The following PIK3C2G variants were observed in gnomAD, a reference collection of about 807,000 sequenced individuals.
PIK3C2G encodes the protein phosphatidylinositol-4-phosphate 3-kinase catalytic subunit type 2 gamma.
In PIK3C2G, 168 loss-of-function variants were observed where a neutral mutation model predicts 181.1. The observed-to-expected ratio is 0.93, with a 90% CI of 0.82 to 1.05. The LOEUF (loss-of-function observed/expected upper bound fraction) is 1.05, where lower values mean the gene tolerates loss of function less well. Among genes scored for constraint, PIK3C2G ranks in the 50% least tolerant of loss-of-function variants. The pLI is 0.00. For missense variants in PIK3C2G, 1,869 were observed against 1,732.8 expected (o/e 1.08, Z -1.40); for synonymous variants, 573 against 592.2 (o/e 0.97, Z 0.47).
chr12:18,558,107 C>T (rs1257955080), intron 26 of PIK3C2G, among the ~76,000 whole-genome samples: 2 of 152,014 alleles, frequency 1.3e-5, no homozygotes, highest in African/African-American at 2.4e-5. Context: ...TCAAGATGTA[C>T]TATAAAGTTC....
At chr12:18,531,097 T>C (rs1425707207) in intron 24 of PIK3C2G, among the ~76,000 whole-genome samples, 1 of 152,104 alleles carries the variant, frequency 6.6e-6, no homozygotes, top group Non-Finnish European at 1.5e-5. Flanking sequence ...CACCCTCTAG[T>C]TTTTCTCCCT....
the PIK3C2G span, among the ~76,000 whole-genome samples, chr12:18,665,892 G>T: frequency 6.7e-6 from 1 of 148,618 alleles, no homozygotes; most frequent in African/African-American, 2.5e-5. Flanking sequence ...CCAAGATCGC[G>T]CCATTGTACT....
chr12:18,438,486 C>T (rs540995753), intron 18 of PIK3C2G, among the ~76,000 whole-genome samples: 5 of 151,958 alleles, frequency 3.3e-5, no homozygotes, highest in African/African-American at 7.2e-5. Context: ...TTATGGTACA[C>T]GTAGTATAGT....
chr12:18,252,633 T>C (rs1948106100), intron 1 of PIK3C2G, among the ~76,000 whole-genome samples: 1 of 152,148 alleles, frequency 6.6e-6, no homozygotes, highest in African/African-American at 2.4e-5. Context: ...ATGTATAATC[T>C]AATGGTAATA....
At chr12:18,477,452 C>T (rs369105003) in intron 18 of PIK3C2G, among the ~76,000 whole-genome samples, 12 of 152,146 alleles carry the variant, frequency 7.9e-5, no homozygotes, top group African/African-American at 2.9e-4. Flanking sequence ...ACAACAATAG[C>T]AACAACAGCA....
chr12:18,720,626 T>C, the PIK3C2G span, among the ~76,000 whole-genome samples: 1 of 152,000 alleles, frequency 6.6e-6, no homozygotes, highest in East Asian at 1.9e-4. Context: ...TTTTAGTTGC[T>C]ATTATTACTG....
chr12:18,693,669 A>C, the PIK3C2G span: 2 of 1,566,876 alleles, frequency 1.3e-6, no homozygotes, highest in Non-Finnish European at 8.8e-7. Context: ...TATGACTCCA[A>C]TTCTGGTGGT....
intron 18 of PIK3C2G, among the ~76,000 whole-genome samples, chr12:18,433,188 AT>A (rs1305067661): frequency 2.0e-5 from 3 of 152,142 alleles, no homozygotes; most frequent in Admixed American, 6.6e-5. Context: ...TGTTTCCAGA[AT>A]CTTTCTTTTA....
At chr12:18,470,514 G>C (rs73068573) in intron 18 of PIK3C2G, among the ~76,000 whole-genome samples, 1 of 152,044 alleles carries the variant, frequency 6.6e-6, no homozygotes, top group Non-Finnish European at 1.5e-5. Flanking sequence ...ACCATAGAAA[G>C]TTGTGCACTT....
chr12:18,387,035 C>T (rs1485708820), intron 14 of PIK3C2G, among the ~76,000 whole-genome samples: 1 of 152,130 alleles, frequency 6.6e-6, no homozygotes, highest in Non-Finnish European at 1.5e-5. Context: ...ACGGAGCCCA[C>T]TTCCTCTCCA....
intron 1 of PIK3C2G, among the ~76,000 whole-genome samples, chr12:18,272,123 C>T (rs1289148099): frequency 3.3e-5 from 5 of 152,086 alleles, no homozygotes; most frequent in Non-Finnish European, 5.9e-5. Context: ...AATTGCATGG[C>T]TTTATTTTCC....
intron 5 of PIK3C2G, 59 bp downstream of exon 5, chr12:18,294,074 G>A: frequency 1.3e-6 from 1 of 750,988 alleles, no homozygotes. Context: ...GTTACCACTT[G>A]TTTATGGTTT....
At chr12:18,459,138 A>C (rs796778949) in intron 18 of PIK3C2G, among the ~76,000 whole-genome samples, 1 of 152,194 alleles carries the variant, frequency 6.6e-6, no homozygotes, top group Non-Finnish European at 1.5e-5. Context: ...TTAAAATCTA[A>C]AAGAAGCCCG....
chr12:18,336,840 T>C (rs2137581459), intron 8 of PIK3C2G, among the ~76,000 whole-genome samples: 1 of 152,244 alleles, frequency 6.6e-6, no homozygotes, highest in South Asian at 2.1e-4. Context: ...GTTTTTGTCA[T>C]TGGTTTCGGA....
intron 18 of PIK3C2G, among the ~76,000 whole-genome samples, chr12:18,429,419 GA>G (rs1946028128): frequency 6.6e-6 from 1 of 152,116 alleles, no homozygotes; most frequent in East Asian, 1.9e-4. Context: ...CAGACTTTAT[GA>G]AGGCTCTGAG....
At chr12:18,406,074 T>C (rs1032847638) in intron 16 of PIK3C2G, among the ~76,000 whole-genome samples, 1 of 152,120 alleles carries the variant, frequency 6.6e-6, no homozygotes, top group African/African-American at 2.4e-5. Flanking sequence ...ACCTTTCCAT[T>C]CCGTTTTTAT....
chr12:18,424,592 T>G (rs181826699), intron 18 of PIK3C2G: 36 of 165,952 alleles, frequency 2.2e-4, no homozygotes, highest in Non-Finnish European at 3.5e-4. Flanking sequence ...TATTAGCATT[T>G]CAGTTTCCCC....
At chr12:18,274,949 T>A (rs1250747467) in intron 1 of PIK3C2G, among the ~76,000 whole-genome samples, 1 of 152,230 alleles carries the variant, frequency 6.6e-6, no homozygotes, top group African/African-American at 2.4e-5. Flanking sequence ...AAACATGTTA[T>A]ATATTTAATT....
intron 13 of PIK3C2G, among the ~76,000 whole-genome samples, chr12:18,373,065 T>C (rs950447702): frequency 2.0e-5 from 3 of 152,238 alleles, no homozygotes; most frequent in African/African-American, 7.2e-5. Flanking sequence ...GCTTTTCTCC[T>C]GTGCTAGACA....
Sources: gnomAD v4.1 joint callset for allele counts (sites outside exome capture counted in the v4.1 genomes callset) on GRCh38, gnomAD v4.1.1 for gene constraint, MANE v1.5 for transcripts, NCBI Gene and HGNC (gene_info 2026-07-23, HGNC 2026-07-21) for gene names.